Variants in FNBP4 observed in about 807,000 individuals in gnomAD.
The protein encoded by FNBP4 is formin binding protein 4.
In FNBP4, 34 loss-of-function variants were observed where a neutral mutation model predicts 119.3. The observed-to-expected ratio is 0.28, with a 90% CI of 0.22 to 0.38. The LOEUF (loss-of-function observed/expected upper bound fraction) is 0.38, where lower values mean the gene tolerates loss of function less well. Ranked by LOEUF, FNBP4 falls within the 10% of genes least tolerant of loss-of-function variation. The pLI, the probability that FNBP4 is intolerant of heterozygous loss-of-function variation, is 1.00. For synonymous variants in FNBP4, 462 were observed against 430.6 expected (o/e 1.07, Z -0.90); for missense variants, 1,112 against 1,228.9 (o/e 0.90, Z 1.42).
intron 8 of FNBP4, 26 bp downstream of exon 8, chr11:47,743,927 G>T: frequency 6.2e-7 from 1 of 1,600,750 alleles, no homozygotes; most frequent in Non-Finnish European, 8.6e-7. Flanking sequence ...TTTCAACTCT[G>T]AAGTTTAATG....
chr11:47,741,303 G>T (rs2097581644), intron 8 of FNBP4, among the ~76,000 whole-genome samples: 1 of 151,590 alleles, frequency 6.6e-6, no homozygotes, highest in Non-Finnish European at 1.5e-5. Flanking sequence ...CTGAGTAGCT[G>T]GGATTATATC....
At chr11:47,735,000 G>A (rs1228065840) in intron 9 of FNBP4, among the ~76,000 whole-genome samples, 1 of 130,320 alleles carries the variant, frequency 7.7e-6, no homozygotes, top group Non-Finnish European at 1.6e-5. Flanking sequence ...AAAAAAAAAG[G>A]AAATCTAAAG....
chr11:47,725,161 T>C (rs929456461), intron 12 of FNBP4: 9 of 159,868 alleles, frequency 5.6e-5, no homozygotes, highest in Admixed American at 5.0e-4. Context: ...ATCTGTAGTT[T>C]GAAGTTTTTG....
chr11:47,759,268 A>G (rs1440346919), intron 2 of FNBP4, among the ~76,000 whole-genome samples: 2 of 149,268 alleles, frequency 1.3e-5, no homozygotes, highest in Admixed American at 6.8e-5. Flanking sequence ...CTGGAGTGCA[A>G]TGGTGCAGTC....
intron 15 of FNBP4, among the ~76,000 whole-genome samples, chr11:47,720,334 T>C (rs1297067884): frequency 6.6e-6 from 1 of 152,104 alleles, no homozygotes; most frequent in African/African-American, 2.4e-5. Flanking sequence ...TTTGGGAGGC[T>C]GAGGCGGGCG....
chr11:47,727,415 A>G (rs1046634742), intron 12 of FNBP4, among the ~76,000 whole-genome samples: 1 of 151,908 alleles, frequency 6.6e-6, no homozygotes, highest in Admixed American at 6.6e-5. Flanking sequence ...ACATCCAGCT[A>G]ATTTTTGTAT....
At chr11:47,728,387 T>A (rs1028334263) in intron 12 of FNBP4, among the ~76,000 whole-genome samples, 2 of 151,876 alleles carry the variant, frequency 1.3e-5, no homozygotes, top group Admixed American at 6.6e-5. Flanking sequence ...GTAGCTGGGA[T>A]TACAGGCACC....
intron 4 of FNBP4, 67 bp from the exon 5 acceptor site, chr11:47,751,357 G>C (rs565130567): frequency 7.6e-6 from 12 of 1,570,028 alleles, no homozygotes; most frequent in South Asian, 4.5e-5. Flanking sequence ...AAGCTCAAAA[G>C]CCAAAATCAC....
chr11:47,722,934 A>C (rs967535900), intron 15 of FNBP4, 42 bp downstream of exon 15: 35 of 1,457,020 alleles, frequency 2.4e-5, no homozygotes, highest in Non-Finnish European at 3.0e-5. Context: ...ACCTCAATAA[A>C]ATTTTTAAAA....
intron 12 of FNBP4, chr11:47,725,884 T>C (rs1236623266): frequency 1.5e-6 from 1 of 688,678 alleles, no homozygotes; most frequent in South Asian, 6.5e-5. Flanking sequence ...AAATCATCTA[T>C]TTCAACCTCC....
chr11:47,719,857 A>G, intron 16 of FNBP4, 72 bp downstream of exon 16: 1 of 1,519,866 alleles, frequency 6.6e-7, no homozygotes, highest in Non-Finnish European at 9.0e-7. Flanking sequence ...AACAACCACA[A>G]CCTACTCCAT....
At position 47,767,321 on chromosome 11, in the gene FNBP4, C is replaced by T; in HGVS notation, c.-33G>A. ...CCAAGCGCGAGCAGAGAGCGTCGGG[C>T]GGCCGAGAGGGGCGGGCACTGGAGG... On this transcript the variant is annotated 5_prime_UTR_variant, in exon 1 of 17. Coordinates refer to ENST00000263773, the MANE Select transcript of FNBP4 (RefSeq NM_015308.5). The T allele has an allele frequency of 6.9e-7, 1 of 1,449,658 alleles. No individual in the cohort carries two copies. The highest frequency in any genetic ancestry group is 9.0e-7 in the Non-Finnish European group (1 of 1,107,448). 89.8% of individuals were successfully genotyped at this position (1,449,658 alleles called of 1,614,324 possible).
At chr11:47,741,526 T>G (rs951539827) in intron 8 of FNBP4, among the ~76,000 whole-genome samples, 3 of 151,738 alleles carry the variant, frequency 2.0e-5, no homozygotes, top group African/African-American at 7.3e-5. Context: ...TTTCTAAGAA[T>G]ATACCACAGG....
In FNBP4 at chr11:47,762,138, G is replaced by GTT. The variant is rs560691118; in HGVS notation, c.313+3130_313+3131dup. Among the ~76,000 whole-genome samples the GTT allele has an allele frequency of 7.3e-3, 1,008 of 138,126 alleles. 6 individuals carry two copies. Among genetic ancestry groups the GTT allele is most frequent in the Non-Finnish European group, 9.7e-3 (623 of 64,286 alleles). The allele number at this position is 138,126 out of a possible 152,430, so 90.6% of individuals were successfully genotyped here. On this transcript the variant is annotated intron_variant, in intron 2 of 16. Coordinates refer to ENST00000263773, the MANE Select transcript of FNBP4 (RefSeq NM_015308.5). ...GAGGCGTGAGGCACAGCGTCTGGCT[G>GTT]TTTTTTTTTTTTGAGATGGAGTCTT...
chr11:47,760,927 T>C (rs759017194), intron 2 of FNBP4, among the ~76,000 whole-genome samples: 1 of 152,208 alleles, frequency 6.6e-6, no homozygotes, highest in Non-Finnish European at 1.5e-5. Flanking sequence ...GTTTATTTTA[T>C]ATAGTTTCAT....
At position 47,736,743 on chromosome 11, in the gene FNBP4, G is replaced by A; in HGVS notation, c.1457-3C>T. 5 of 1,591,444 alleles carry A rather than the reference G, an allele frequency of 3.1e-6. No homozygotes were observed. The highest frequency in any genetic ancestry group is 4.3e-6 in the Non-Finnish European group (5 of 1,165,230). On this transcript the variant is annotated splice_region_variant and splice_polypyrimidine_tract_variant and intron_variant, in intron 8 of 16. Transcript: ENST00000263773. ...TTCTGAATTTTCAGCACCAATTGCT[G>A]TAAAAAAAACATGTAAAATTAAACC...
intron 8 of FNBP4, 76 bp from the exon 9 acceptor site, chr11:47,736,816 GATATCTGCAAA>G: frequency 2.4e-6 from 3 of 1,269,484 alleles, no homozygotes. Flanking sequence ...CCCCATAGCA[GATATCTGCAAA>G]AGATTATTAG....
intron 8 of FNBP4, among the ~76,000 whole-genome samples, chr11:47,742,477 C>CAAAAAAAAAAAAAAAAAAAAAAAAAAAA (rs568784009): frequency 8.4e-5 from 2 of 23,760 alleles, no homozygotes; most frequent in African/African-American, 3.1e-4. Flanking sequence ...GACTCCGTCT[C>CAAAAAAAAAAAAAAAAAAAAAAAAAAAA]AAAAAAAAAA....
At position 47,746,098 on chromosome 11, in the gene FNBP4, T is replaced by A; in HGVS notation, c.1203A>T (p.Glu401Asp). 6.2e-7 allele frequency: 1 copy of A among 1,609,314 alleles called. No individual in the cohort carries two copies. ...CTAGCTCCAGTTCAAGGGTATCTTGTTCCTCTTCCTCCTCACTTTCTCCAG... is the reference window on the plus strand; with the variant it reads ...CTAGCTCCAGTTCAAGGGTATCTTGATCCTCTTCCTCCTCACTTTCTCCAG... ...VQSGESEEEE[E>D]QDTLELELVL... is the part of the protein sequence containing the mutation. Residue 401 changes from glutamate to aspartate, a missense_variant, in exon 7 of 17, where the codon GAA becomes GAT. Physicochemically the swap from Glu to Asp is conservative, Grantham distance 45 (BLOSUM62 2). Coordinates refer to ENST00000263773, the MANE Select transcript of FNBP4 (RefSeq NM_015308.5).
Sources: gnomAD v4.1 joint callset for allele counts (sites outside exome capture counted in the v4.1 genomes callset) on GRCh38, gnomAD v4.1.1 for gene constraint, MANE v1.5 for transcripts, NCBI Gene and HGNC (gene_info 2026-07-23, HGNC 2026-07-21) for gene names.